AGBL4: variants seen among roughly 807,000 people sequenced by gnomAD.
AGBL4 encodes cytosolic carboxypeptidase 6.
In AGBL4, 58 loss-of-function variants were observed where a neutral mutation model predicts 66.4. The ratio of observed to expected loss-of-function variants is 0.87; its 90% CI spans 0.71 to 1.09. The LOEUF is 1.09. Ranked by LOEUF, AGBL4 falls within the 50% of genes least tolerant of loss-of-function variation. The pLI is 0.00. For synonymous variants in AGBL4, 234 were observed against 222.9 expected, an observed-to-expected ratio of 1.05 and a Z score of -0.44; for missense variants, 579 against 631.0, an observed-to-expected ratio of 0.92 and a Z score of 0.88.
intron 6 of AGBL4, among the ~76,000 whole-genome samples, chr1:48,713,068 C>T (rs1646992717): frequency 6.6e-6 from 1 of 152,200 alleles, no homozygotes; most frequent in African/African-American, 2.4e-5. Flanking sequence ...AACTGATGCC[C>T]ACACAGTGCT....
chr1:48,600,076 C>A (rs1645052241), intron 9 of AGBL4, among the ~76,000 whole-genome samples: 1 of 151,980 alleles, frequency 6.6e-6, no homozygotes, highest in South Asian at 2.1e-4. Context: ...CCATGAACAA[C>A]AACAGAAAAA....
At chr1:49,942,245 C>T (rs1298964904) in intron 1 of AGBL4, among the ~76,000 whole-genome samples, 1 of 151,906 alleles carries the variant, frequency 6.6e-6, no homozygotes, top group Non-Finnish European at 1.5e-5. Flanking sequence ...TTAATATTGC[C>T]AAAATGTCCA....
chr1:49,677,200 G>A (rs988711034), intron 3 of AGBL4, among the ~76,000 whole-genome samples: 1 of 151,940 alleles, frequency 6.6e-6, no homozygotes, highest in South Asian at 2.1e-4. Context: ...ATGCCTTAAG[G>A]AGAAGAACTA....
intron 2 of AGBL4, among the ~76,000 whole-genome samples, chr1:49,838,537 A>G (rs1370403530): frequency 1.3e-5 from 2 of 152,230 alleles, no homozygotes; most frequent in Non-Finnish European, 2.9e-5. Flanking sequence ...AAACCTTCAG[A>G]TGCCAACTCA....
chr1:49,068,939 G>A (rs1410434620), intron 4 of AGBL4, among the ~76,000 whole-genome samples: 1 of 152,118 alleles, frequency 6.6e-6, no homozygotes, highest in Non-Finnish European at 1.5e-5. Context: ...GGCGTGAGAT[G>A]GTATCTCACT....
chr1:49,432,157 T>C (rs1645802114), intron 3 of AGBL4, among the ~76,000 whole-genome samples: 1 of 152,170 alleles, frequency 6.6e-6, no homozygotes, highest in Non-Finnish European at 1.5e-5. Context: ...CCTGGACCTA[T>C]TTACATTAAG....
At chr1:49,878,815 C>A (rs373144517) in intron 1 of AGBL4, among the ~76,000 whole-genome samples, 3 of 135,074 alleles carry the variant, frequency 2.2e-5, no homozygotes, top group African/African-American at 5.8e-5. Context: ...GTAGGTCACT[C>A]AGGACTTGCT....
intron 11 of AGBL4, among the ~76,000 whole-genome samples, chr1:48,559,885 C>G (rs1464704942): frequency 6.6e-6 from 1 of 152,082 alleles, no homozygotes; most frequent in Admixed American, 6.6e-5. Context: ...CCTGTTGCCC[C>G]TCACAGGACC....
intron 6 of AGBL4, among the ~76,000 whole-genome samples, chr1:48,786,742 T>C (rs1191261382): frequency 1.3e-5 from 2 of 152,220 alleles, no homozygotes; most frequent in African/African-American, 2.4e-5. Flanking sequence ...CCTCTGCTGA[T>C]GGCCAAGGCA....
intron 3 of AGBL4, among the ~76,000 whole-genome samples, chr1:49,409,149 GCTCTCTCTCT>G (rs373757168): frequency 1.4e-5 from 2 of 145,976 alleles, no homozygotes; most frequent in African/African-American, 2.5e-5. Context: ...ACTCTCTCTG[GCTCTCTCTCT>G]CTCTCTCTCT....
At chr1:49,842,806 C>T (rs1361908591) in intron 2 of AGBL4, among the ~76,000 whole-genome samples, 2 of 152,102 alleles carry the variant, frequency 1.3e-5, no homozygotes, top group Non-Finnish European at 2.9e-5. Context: ...AAGCCTGAGC[C>T]ATGAGGCAGT....
At chr1:48,834,550 T>C (rs1330058947) in intron 6 of AGBL4, among the ~76,000 whole-genome samples, 1 of 152,068 alleles carries the variant, frequency 6.6e-6, no homozygotes, top group Non-Finnish European at 1.5e-5. Flanking sequence ...AATGTCTTTA[T>C]AAGAAGAGAA....
chr1:49,407,203 A>C (rs1645223158), intron 3 of AGBL4, among the ~76,000 whole-genome samples: 1 of 152,152 alleles, frequency 6.6e-6, no homozygotes, highest in East Asian at 1.9e-4. Context: ...TTAAGTAAGC[A>C]GATTGTCCTC....
intron 2 of AGBL4, among the ~76,000 whole-genome samples, chr1:49,772,934 T>A (rs532199540): frequency 3.9e-5 from 6 of 152,312 alleles, no homozygotes; most frequent in African/African-American, 1.4e-4. Flanking sequence ...AGGTCTTCTG[T>A]ATCTCTCTCC....
At chr1:48,571,924 G>T (rs1397994888) in intron 11 of AGBL4, among the ~76,000 whole-genome samples, 1 of 152,148 alleles carries the variant, frequency 6.6e-6, no homozygotes, top group Non-Finnish European at 1.5e-5. Context: ...AAGCTACTCT[G>T]TCCTCTCTTG....
intron 5 of AGBL4, among the ~76,000 whole-genome samples, chr1:48,997,028 TTC>T (rs1293700728): frequency 1.8e-4 from 28 of 152,238 alleles, no homozygotes; most frequent in African/African-American, 6.7e-4. Flanking sequence ...GTTCAAGCAA[TTC>T]TCTTGCCTCA....
chr1:49,288,074 T>G (rs1310685187), intron 3 of AGBL4, among the ~76,000 whole-genome samples: 2 of 138,154 alleles, frequency 1.4e-5, no homozygotes, highest in Non-Finnish European at 3.1e-5. Context: ...GGGACATGGA[T>G]GAAATTGGAA....
intron 11 of AGBL4, among the ~76,000 whole-genome samples, chr1:48,545,023 A>G (rs1370854225): frequency 6.6e-6 from 1 of 152,214 alleles, no homozygotes; most frequent in East Asian, 1.9e-4. Context: ...TCCTGCTCAC[A>G]GCATTGTTGG....
chr1:49,132,521 A>T (rs1446005314), intron 4 of AGBL4, among the ~76,000 whole-genome samples: 1 of 152,104 alleles, frequency 6.6e-6, no homozygotes, highest in Non-Finnish European at 1.5e-5. Flanking sequence ...TGAGATTGGA[A>T]AAGATCTTAA....
Sources: allele counts gnomAD v4.1 joint callset (sites outside exome capture counted in the v4.1 genomes callset), GRCh38; gene constraint gnomAD v4.1.1; transcripts MANE v1.5; gene names NCBI Gene and HGNC (gene_info 2026-07-23, HGNC 2026-07-21).